The following LMO7 variants were observed in gnomAD, a reference collection of about 807,000 sequenced individuals.
LMO7 encodes LIM domain 7.
In LMO7, 120 loss-of-function variants were observed where a neutral mutation model predicts 206.5. The observed-to-expected ratio is 0.58, with a 90% CI of 0.50 to 0.68. The LOEUF (loss-of-function observed/expected upper bound fraction) is 0.68. LMO7 is among the 30% of genes least tolerant of loss of function. The pLI is 0.00. For synonymous variants in LMO7, 706 were observed against 681.5 expected (o/e 1.04, Z -0.56); for missense variants, 1,959 against 1,957.9 (o/e 1.00, Z -0.01).
chr13:75,656,339 C>T (rs1007061693), intron 1 of LMO7, among the ~76,000 whole-genome samples: 3 of 152,156 alleles, frequency 2.0e-5, no homozygotes, highest in African/African-American at 7.2e-5. Context: ...AATATGCTAC[C>T]ACTTATTATT....
intron 1 of LMO7, among the ~76,000 whole-genome samples, chr13:75,701,893 G>C (rs1348704705): frequency 1.3e-5 from 2 of 152,146 alleles, no homozygotes; most frequent in Non-Finnish European, 2.9e-5. Flanking sequence ...TTGATGGATT[G>C]ATGAAACCTT....
At chr13:75,802,153 C>CA (rs1566490591) in intron 7 of LMO7, among the ~76,000 whole-genome samples, 1 of 152,092 alleles carries the variant, frequency 6.6e-6, no homozygotes, top group East Asian at 1.9e-4. Flanking sequence ...ATTTGTTTTC[C>CA]AAAAAACCAA....
rs5804829 is a variant in LMO7 at position 75,642,442 on chromosome 13, CAAAAAAAAAA to C, written c.69+5730_69+5739del. Among the ~76,000 whole-genome samples the C allele has an allele frequency of 5.5e-5, 4 of 72,390 alleles. No homozygotes were observed. The South Asian group carries it at 2.1e-3, about 37-fold the overall frequency. 47.5% of individuals were successfully genotyped at this position (72,390 alleles called of 152,430 possible). ...CAACATAGCAAGACCCCATCTCTAC[CAAAAAAAAAA>C]AAAAAAAAAAAAAGGTGGCACACAC... On this transcript the variant is annotated intron_variant, in intron 1 of 30. Transcript: ENST00000377534.
At chr13:75,815,897 C>T (rs533010808) in intron 11 of LMO7, among the ~76,000 whole-genome samples, 1 of 152,194 alleles carries the variant, frequency 6.6e-6, no homozygotes, top group East Asian at 1.9e-4. Flanking sequence ...ACATTAGTAA[C>T]CACAAGAGGA....
chr13:75,666,303 A>C (rs2039069603), intron 1 of LMO7, among the ~76,000 whole-genome samples: 1 of 152,246 alleles, frequency 6.6e-6, no homozygotes, highest in African/African-American at 2.4e-5. Context: ...GTATTTTGCA[A>C]CCTCTGGCAT....
At chr13:75,626,743 C>G (rs930258472) in intron 2 of LMO7, 1 of 151,240 alleles carries the variant, frequency 6.6e-6, no homozygotes, top group Non-Finnish European at 1.5e-5. Flanking sequence ...CGTCACCACA[C>G]CTGGCTAATT....
At chr13:75,826,279 C>T (rs1016392918) in intron 15 of LMO7, among the ~76,000 whole-genome samples, 5 of 152,076 alleles carry the variant, frequency 3.3e-5, no homozygotes, top group Non-Finnish European at 7.4e-5. Flanking sequence ...TGGGCTCAAA[C>T]GATCCATCCA....
intron 4 of LMO7, among the ~76,000 whole-genome samples, chr13:75,779,063 T>G (rs1193478267): frequency 2.6e-5 from 4 of 151,870 alleles, no homozygotes; most frequent in African/African-American, 9.7e-5. Context: ...GGAAAGGGAG[T>G]TGTTTGGCTT....
At chr13:75,719,412 A>C (rs1233992510) in intron 2 of LMO7, among the ~76,000 whole-genome samples, 1 of 152,218 alleles carries the variant, frequency 6.6e-6, no homozygotes, top group Non-Finnish European at 1.5e-5. Context: ...TGCTATGAAC[A>C]TCCATGATAT....
chr13:75,664,037 T>G (rs7322848), intron 1 of LMO7, among the ~76,000 whole-genome samples: 152,062 of 152,124 alleles, frequency 1, 76,000 homozygotes, highest in Non-Finnish European at 1. Context: ...AATTATTTTT[T>G]ACCACAATCA....
intron 15 of LMO7, among the ~76,000 whole-genome samples, chr13:75,825,623 A>T (rs910242737): frequency 6.6e-6 from 1 of 152,138 alleles, no homozygotes; most frequent in Non-Finnish European, 1.5e-5. Context: ...GAATTCTTTA[A>T]TGTGGATATA....
chr13:75,837,469 A>G (rs2059222200), intron 19 of LMO7, among the ~76,000 whole-genome samples: 1 of 152,178 alleles, frequency 6.6e-6, no homozygotes, highest in Non-Finnish European at 1.5e-5. Flanking sequence ...ATAAGTAAGC[A>G]CTAACTAGTA....
rs764201515 is a variant in LMO7, at chr13:75,853,197, C to G, written c.4470C>G (p.Asp1490Glu). ...TGFYASSSVQ[D>E]FSRPPPQLVS... ...TCTATGCTTCTTCCTCTGTGCAAGA[C>G]TTTAGTCGCCCACCACCTCAGCTGG... The change falls in exon 28 of 31, where the codon GAC (aspartate) becomes GAG (glutamate). Residue 1490 changes from aspartate to glutamate, a missense_variant. Asp to Glu is a conservative substitution (Grantham distance 45). Coordinates refer to ENST00000377534, the MANE Select transcript of LMO7 (RefSeq NM_001306080.2). 6.2e-7 allele frequency: 1 copy of G among 1,614,144 alleles called. No individual in the cohort carries two copies. Among genetic ancestry groups the G allele is most frequent in the South Asian group, 1.1e-5 (1 of 91,086 alleles).
At chr13:75,791,617 A>G (rs2053293572) in intron 4 of LMO7, among the ~76,000 whole-genome samples, 1 of 152,168 alleles carries the variant, frequency 6.6e-6, no homozygotes, top group Admixed American at 6.5e-5. Flanking sequence ...ACAAAATCAC[A>G]AAAGTCCTTT....
At chr13:75,665,563 G>C (rs530791642) in intron 1 of LMO7, among the ~76,000 whole-genome samples, 1 of 148,310 alleles carries the variant, frequency 6.7e-6, no homozygotes, top group South Asian at 2.1e-4. Flanking sequence ...TCTCGTTCTT[G>C]TACCCCAGGC....
intron 2 of LMO7, among the ~76,000 whole-genome samples, chr13:75,726,705 T>G (rs1463546771): frequency 6.6e-6 from 1 of 152,134 alleles, no homozygotes; most frequent in Non-Finnish European, 1.5e-5. Context: ...GATGAAGAGA[T>G]TCTTAAACTG....
intron 30 of LMO7, chr13:75,856,892 C>G (rs1488141530): frequency 4.4e-6 from 1 of 224,982 alleles, no homozygotes; most frequent in East Asian, 9.9e-5. Context: ...CCGCAGAGAC[C>G]TTTAATGACT....
At chr13:75,715,496 C>A (rs183230660) in intron 2 of LMO7, among the ~76,000 whole-genome samples, 101 of 152,304 alleles carry the variant, frequency 6.6e-4, no homozygotes, top group African/African-American at 2.3e-3. Context: ...TAAGTCTAAT[C>A]AGTCTCTTAG....
At chr13:75,629,344 G>C (rs963952261) in intron 2 of LMO7, among the ~76,000 whole-genome samples, 4 of 152,134 alleles carry the variant, frequency 2.6e-5, no homozygotes, top group African/African-American at 9.7e-5. Flanking sequence ...CACCAAGCCA[G>C]GCACTCTTAA....
Sources: gnomAD v4.1 joint callset for allele counts (sites outside exome capture counted in the v4.1 genomes callset) on GRCh38, gnomAD v4.1.1 for gene constraint, MANE v1.5 for transcripts, NCBI Gene and HGNC (gene_info 2026-07-23, HGNC 2026-07-21) for gene names.